The following FANCL variants were observed in gnomAD, a reference collection of about 807,000 sequenced individuals.
FANCL encodes the protein E3 ubiquitin-protein ligase FANCL.
Under a neutral mutation model 59.4 loss-of-function variants are expected in FANCL, and 69 were observed. The ratio of observed to expected loss-of-function variants is 1.16; its 90% CI spans 0.96 to 1.42. The LOEUF is 1.42. Among genes scored for constraint, FANCL ranks in the 40% most tolerant of loss-of-function variants. The probability of loss-of-function intolerance (pLI) is 0.00; values close to 1 mark genes in which losing one functional copy is unlikely to be tolerated. For missense variants in FANCL, 519 were observed against 447.2 expected (o/e 1.16, Z -1.45); for synonymous variants, 180 against 147.1 (o/e 1.22, Z -1.62).
chr2:58,183,555 T>C (rs1001218626), intron 7 of FANCL, among the ~76,000 whole-genome samples: 1 of 151,966 alleles, frequency 6.6e-6, no homozygotes, highest in Non-Finnish European at 1.5e-5. Flanking sequence ...AGTGGTTTTG[T>C]TCTCACTCTG....
At chr2:58,228,619 G>C (rs772150996) in intron 3 of FANCL, among the ~76,000 whole-genome samples, 3 of 152,152 alleles carry the variant, frequency 2.0e-5, no homozygotes, top group Non-Finnish European at 2.9e-5. Flanking sequence ...TACTAAGCCA[G>C]AAAAACTTAT....
chr2:58,161,470 T>C, intron 12 of FANCL, 52 bp downstream of exon 12: 1 of 1,100,304 alleles, frequency 9.1e-7, no homozygotes, highest in Non-Finnish European at 1.4e-6. Flanking sequence ...ACAGGAATAC[T>C]TCCTATGTTG....
At chr2:58,187,536 G>A (rs1240967285) in intron 7 of FANCL, among the ~76,000 whole-genome samples, 3 of 151,658 alleles carry the variant, frequency 2.0e-5, no homozygotes, top group Non-Finnish European at 4.4e-5. Flanking sequence ...TGCACGTTGT[G>A]CACACGTACC....
chr2:58,237,073 G>A (rs1338362674), intron 1 of FANCL, among the ~76,000 whole-genome samples: 1 of 152,102 alleles, frequency 6.6e-6, no homozygotes, highest in East Asian at 1.9e-4. Context: ...AAGTCAGTGA[G>A]CACAGTGCTA....
intron 5 of FANCL, among the ~76,000 whole-genome samples, chr2:58,210,047 TA>T (rs1369497217): frequency 7.2e-5 from 11 of 152,188 alleles, no homozygotes; most frequent in African/African-American, 2.4e-4. Context: ...CTCTAAATGA[TA>T]AATAATATAT....
intron 4 of FANCL, among the ~76,000 whole-genome samples, chr2:58,226,160 G>A (rs1275099946): frequency 6.6e-6 from 1 of 152,018 alleles, no homozygotes; most frequent in Non-Finnish European, 1.5e-5. Context: ...AATTTGGTCA[G>A]GCCCAGCAGT....
chr2:58,212,326 A>G (rs1691254553), intron 5 of FANCL, among the ~76,000 whole-genome samples: 1 of 152,198 alleles, frequency 6.6e-6, no homozygotes, highest in Non-Finnish European at 1.5e-5. Context: ...TATGGGGGAA[A>G]CTGCCCCCGT....
chr2:58,159,318 A>C lies in FANCL; in HGVS notation c.*447T>G. ...AATACTTGGATAACTCACGTCTAAC[A>C]AACTAAACTATATATGTATTTTTTC... On this transcript the variant is annotated 3_prime_UTR_variant, in exon 14 of 14. Transcript: ENST00000233741. 1 of 1,523,462 alleles carries C rather than the reference A, an allele frequency of 6.6e-7. No homozygotes were observed. Among genetic ancestry groups the C allele is most frequent in the Non-Finnish European group, 8.9e-7 (1 of 1,128,512 alleles). 94.4% of individuals were successfully genotyped at this position (1,523,462 alleles called of 1,614,324 possible).
At chr2:58,239,245 T>G (rs143481866) in intron 1 of FANCL, among the ~76,000 whole-genome samples, 3 of 152,348 alleles carry the variant, frequency 2.0e-5, no homozygotes, top group African/African-American at 2.4e-5. Flanking sequence ...CTCTGACAGA[T>G]GATACCTTAA....
intron 8 of FANCL, 130 bp downstream of exon 8, chr2:58,165,594 G>C (rs1685837289): frequency 8.7e-7 from 1 of 1,154,460 alleles, no homozygotes; most frequent in Non-Finnish European, 1.2e-6. Context: ...CCAAAAAAAA[G>C]TTTATACTAG....
At chr2:58,198,261 T>A (rs1266079193) in intron 7 of FANCL, among the ~76,000 whole-genome samples, 1 of 152,182 alleles carries the variant, frequency 6.6e-6, no homozygotes, top group African/African-American at 2.4e-5. Flanking sequence ...CAGTTACAGT[T>A]GGCCCTACCC....
chr2:58,209,873 A>G (rs943259959), intron 5 of FANCL, among the ~76,000 whole-genome samples: 2 of 152,198 alleles, frequency 1.3e-5, no homozygotes, highest in Non-Finnish European at 2.9e-5. Flanking sequence ...CAATTATACA[A>G]AATATCACCA....
chr2:58,171,692 G>C (rs576667300), intron 7 of FANCL, among the ~76,000 whole-genome samples: 4 of 152,320 alleles, frequency 2.6e-5, no homozygotes, highest in Admixed American at 2.6e-4. Flanking sequence ...GAAGACGGGT[G>C]ATTTCTGCAT....
chr2:58,163,608 T>G lies in FANCL; in HGVS notation c.692-91A>C, dbSNP rs893194099. 12 of 768,468 alleles carry G rather than the reference T, an allele frequency of 1.6e-5. No individual in the cohort carries two copies. In the African/African-American group the frequency reaches 1.9e-4, roughly 12 times the overall value. The allele number at this position is 768,468 out of a possible 1,614,324, so 47.6% of individuals were successfully genotyped here. On this transcript the variant is annotated intron_variant, in intron 8 of 13. Transcript: ENST00000233741. ...AAAGAGGTGTTGGTCTGGCTACCTA[T>G]TTCACTGTATACCCACGGAAAGATT...
At chr2:58,223,256 A>G (rs1353516921) in intron 4 of FANCL, among the ~76,000 whole-genome samples, 2 of 151,902 alleles carry the variant, frequency 1.3e-5, no homozygotes, top group African/African-American at 2.4e-5. Context: ...TATAATATAA[A>G]TGACTAATGT....
At chr2:58,195,160 G>A (rs1399007188) in intron 7 of FANCL, among the ~76,000 whole-genome samples, 1 of 151,906 alleles carries the variant, frequency 6.6e-6, no homozygotes, top group Non-Finnish European at 1.5e-5. Flanking sequence ...ATTGTTTTCA[G>A]CCAGCCAATT....
intron 3 of FANCL, 73 bp downstream of exon 3, chr2:58,229,741 G>A (rs1358307162): frequency 1.0e-5 from 11 of 1,099,022 alleles, no homozygotes; most frequent in Non-Finnish European, 1.4e-5. Flanking sequence ...GTGCAAAGCA[G>A]GTCTTTAAAG....
At chr2:58,240,248 T>C (rs1256811851) in intron 1 of FANCL, among the ~76,000 whole-genome samples, 1 of 152,202 alleles carries the variant, frequency 6.6e-6, no homozygotes, top group Admixed American at 6.5e-5. Context: ...CTTTTTTCCA[T>C]ATGGAATAAT....
At chr2:58,222,568 G>GT (rs1373230865) in intron 4 of FANCL, among the ~76,000 whole-genome samples, 2 of 151,954 alleles carry the variant, frequency 1.3e-5, no homozygotes, top group African/African-American at 4.8e-5. Context: ...CTTCAAGCAG[G>GT]TAAGTCGGAG....
Sources: gnomAD v4.1 joint callset for allele counts (sites outside exome capture counted in the v4.1 genomes callset) on GRCh38, gnomAD v4.1.1 for gene constraint, MANE v1.5 for transcripts, NCBI Gene and HGNC (gene_info 2026-07-23, HGNC 2026-07-21) for gene names.